Variants in CAMK4 observed in about 807,000 individuals in gnomAD.
CAMK4 encodes the protein calcium/calmodulin-dependent protein kinase type IV.
In CAMK4, 22 loss-of-function variants were observed where a neutral mutation model predicts 44.9. The observed-to-expected ratio is 0.49, with a 90% CI of 0.35 to 0.70. The LOEUF (loss-of-function observed/expected upper bound fraction) is 0.70. Among genes scored for constraint, CAMK4 ranks in the 30% least tolerant of loss-of-function variants. CAMK4 has a pLI of 0.01. For synonymous variants in CAMK4, 218 were observed against 215.4 expected (o/e 1.01, Z -0.11); for missense variants, 498 against 586.8 (o/e 0.85, Z 1.56).
intron 4 of CAMK4, among the ~76,000 whole-genome samples, chr5:111,377,600 T>C (rs897062905): frequency 3.9e-5 from 6 of 152,060 alleles, no homozygotes; most frequent in African/African-American, 1.4e-4. Context: ...AACTTTATGT[T>C]TCTATAGTTG....
chr5:111,260,527 A>G (rs1315881337), intron 1 of CAMK4, among the ~76,000 whole-genome samples: 1 of 152,018 alleles, frequency 6.6e-6, no homozygotes, highest in Non-Finnish European at 1.5e-5. Flanking sequence ...TTCAGTTATA[A>G]CCCAGTGTTC....
intron 7 of CAMK4, among the ~76,000 whole-genome samples, chr5:111,461,904 G>A (rs1051738549): frequency 6.7e-6 from 1 of 149,238 alleles, no homozygotes. Flanking sequence ...GCTTTTAGAT[G>A]CAAATAGATC....
In CAMK4 at chr5:111,333,418, A is replaced by G. The variant is rs529486187; in HGVS notation, c.162-10606A>G. On this transcript the variant is annotated intron_variant, in intron 1 of 10. Coordinates refer to ENST00000282356, the MANE Select transcript of CAMK4 (RefSeq NM_001744.6). Reference sequence around the variant, plus strand: ...GCATAAAATATTTTGAAGCAAACAAAGAGGACTGATAAGAGTTATTAAGAC... The same window carrying G: ...GCATAAAATATTTTGAAGCAAACAAGGAGGACTGATAAGAGTTATTAAGAC... Among the ~76,000 whole-genome samples, 8 of 150,356 alleles carry G rather than the reference A, an allele frequency of 5.3e-5. No homozygotes were observed. The East Asian group carries it at 1.4e-3, about 26-fold the overall frequency.
At chr5:111,461,396 G>A (rs867229915) in intron 7 of CAMK4, among the ~76,000 whole-genome samples, 73 of 152,212 alleles carry the variant, frequency 4.8e-4, no homozygotes, top group Admixed American at 2.7e-3. Flanking sequence ...TCCTGAACTG[G>A]GGCATTATCT....
intron 1 of CAMK4, among the ~76,000 whole-genome samples, chr5:111,321,078 C>G (rs1042330903): frequency 2.6e-5 from 4 of 152,258 alleles, no homozygotes; most frequent in South Asian, 2.1e-4. Flanking sequence ...CCTACCTACA[C>G]CCCTGGAAGT....
chr5:111,457,364 AT>A (rs1464386609), intron 7 of CAMK4, among the ~76,000 whole-genome samples: 1 of 152,206 alleles, frequency 6.6e-6, no homozygotes, highest in Non-Finnish European at 1.5e-5. Flanking sequence ...CAGACCTTAC[AT>A]TTGAACATGT....
chr5:111,356,505 T>G (rs1323651214), intron 2 of CAMK4, among the ~76,000 whole-genome samples: 1 of 152,270 alleles, frequency 6.6e-6, no homozygotes, highest in Non-Finnish European at 1.5e-5. Flanking sequence ...CTCTTTAGTT[T>G]AATTAGATCC....
At chr5:111,392,804 C>T (rs1751850829) in intron 4 of CAMK4, among the ~76,000 whole-genome samples, 1 of 151,996 alleles carries the variant, frequency 6.6e-6, no homozygotes, top group South Asian at 2.1e-4. Flanking sequence ...GAGACAATGA[C>T]TTATTCTAGG....
At position 111,375,180 on chromosome 5, in the gene CAMK4, TTTTG is replaced by T. The variant is rs150886744; in HGVS notation, c.303+272_303+275del. Among the ~76,000 whole-genome samples, 679 of 152,084 alleles carry T rather than the reference TTTTG, an allele frequency of 4.5e-3. 7 individuals carry two copies. The highest frequency in any genetic ancestry group is 0.016 in the African/African-American group (651 of 41,482). On this transcript the variant is annotated intron_variant, in intron 3 of 10. Transcript: ENST00000282356. Reference sequence around the variant, plus strand: ...TCATAAAAGGATAAAAATCGAAGAGTTTTGTTTTTCTCCAACAAAACACTGGCTT... The same window carrying T: ...TCATAAAAGGATAAAAATCGAAGAGTTTTTTCTCCAACAAAACACTGGCTT...
intron 5 of CAMK4, among the ~76,000 whole-genome samples, chr5:111,429,200 G>A (rs770698433): frequency 3.9e-5 from 6 of 152,068 alleles, no homozygotes; most frequent in South Asian, 2.1e-4. Flanking sequence ...GAAACAAAAC[G>A]TTTGTTTCTT....
At chr5:111,478,088 T>C (rs1385557288) in intron 8 of CAMK4, among the ~76,000 whole-genome samples, 2 of 151,328 alleles carry the variant, frequency 1.3e-5, no homozygotes. Context: ...TGTTCTTCTG[T>C]GTAATAAGAA....
intron 10 of CAMK4, among the ~76,000 whole-genome samples, chr5:111,483,425 A>C (rs1168078368): frequency 1.3e-5 from 2 of 152,184 alleles, no homozygotes; most frequent in Non-Finnish European, 2.9e-5. Flanking sequence ...TATCGAATAG[A>C]GATTAGGAGC....
chr5:111,390,565 A>G (rs2112853396), intron 4 of CAMK4, among the ~76,000 whole-genome samples: 1 of 152,340 alleles, frequency 6.6e-6, no homozygotes, highest in South Asian at 2.1e-4. Flanking sequence ...TCTATTTAAA[A>G]TGACAAACAT....
chr5:111,478,123 AATAATT>A (rs1328084849), intron 8 of CAMK4, among the ~76,000 whole-genome samples: 15 of 151,288 alleles, frequency 9.9e-5, no homozygotes, highest in Admixed American at 6.6e-4. Context: ...ATTATTACAC[AATAATT>A]ATAATTATTA....
intron 5 of CAMK4, among the ~76,000 whole-genome samples, chr5:111,410,051 A>G (rs966221142): frequency 6.6e-5 from 10 of 151,994 alleles, no homozygotes; most frequent in Non-Finnish European, 1.5e-4. Flanking sequence ...AACTCTTTCA[A>G]CCTCTGACTG....
intron 1 of CAMK4, among the ~76,000 whole-genome samples, chr5:111,233,017 G>A (rs1748549093): frequency 1.3e-5 from 2 of 152,148 alleles, no homozygotes; most frequent in Non-Finnish European, 2.9e-5. Context: ...ATTTATGACA[G>A]TAAAATTTGA....
intron 1 of CAMK4, among the ~76,000 whole-genome samples, chr5:111,275,079 T>C (rs1750697148): frequency 6.6e-6 from 1 of 152,150 alleles, no homozygotes; most frequent in African/African-American, 2.4e-5. Context: ...TGTAGAATGA[T>C]TAAATCAGAC....
chr5:111,473,565 G>A (rs1755138235), intron 8 of CAMK4, among the ~76,000 whole-genome samples, 179 bp downstream of exon 8: 1 of 152,026 alleles, frequency 6.6e-6, no homozygotes, highest in African/African-American at 2.4e-5. Flanking sequence ...TTTTATTTTG[G>A]AATTTTCTTG....
intron 1 of CAMK4, among the ~76,000 whole-genome samples, chr5:111,294,313 T>G (rs1747399306): frequency 6.6e-6 from 1 of 152,162 alleles, no homozygotes; most frequent in Non-Finnish European, 1.5e-5. Flanking sequence ...TTAGGTAAAT[T>G]TGAGGAAAAA....
Sources: gnomAD v4.1 joint callset for allele counts (sites outside exome capture counted in the v4.1 genomes callset) on GRCh38, gnomAD v4.1.1 for gene constraint, MANE v1.5 for transcripts, NCBI Gene and HGNC (gene_info 2026-07-23, HGNC 2026-07-21) for gene names.